The following TLN2 variants were observed in gnomAD, a reference collection of about 807,000 sequenced individuals.
TLN2 encodes talin-2.
Under a neutral mutation model 294.7 loss-of-function variants are expected in TLN2, and 118 were observed. That is an observed-to-expected ratio of 0.40 (90% CI 0.34 to 0.47). TLN2 has a LOEUF of 0.47. Among genes scored for constraint, TLN2 ranks in the 20% least tolerant of loss-of-function variants. The probability of loss-of-function intolerance (pLI) is 0.84; values close to 1 mark genes in which losing one functional copy is unlikely to be tolerated. For synonymous variants in TLN2, 1,431 were observed against 1,304.5 expected (o/e 1.10, Z -2.09); for missense variants, 3,083 against 3,282.2 (o/e 0.94, Z 1.48).
At chr15:62,667,055 T>C (rs569970977) in intron 9 of TLN2, among the ~76,000 whole-genome samples, 1 of 152,306 alleles carries the variant, frequency 6.6e-6, no homozygotes, top group South Asian at 2.1e-4. Flanking sequence ...AAGCTCCGCC[T>C]CCCGGATTCA....
intron 9 of TLN2, among the ~76,000 whole-genome samples, chr15:62,664,332 A>G (rs752898357): frequency 5.3e-5 from 8 of 152,080 alleles, no homozygotes; most frequent in Non-Finnish European, 7.3e-5. Flanking sequence ...GTTTAACCTA[A>G]TAAGTGATTC....
chr15:62,810,096 C>A lies in TLN2; in HGVS notation c.6771+64C>A, dbSNP rs1482120578. 1.5e-5 allele frequency: 20 copies of A among 1,355,106 alleles called. 1 individual carries two copies. The highest frequency in any genetic ancestry group is 2.1e-5 in the Non-Finnish European group (20 of 952,934). The allele number at this position is 1,355,106 out of a possible 1,614,324, so 83.9% of individuals were successfully genotyped here. A position where few individuals can be genotyped will look rare whatever the true frequency, so the allele number is the denominator to read the frequency against. On this transcript the variant is annotated intron_variant, in intron 52 of 58. Transcript: ENST00000636159. Reference sequence around the variant, plus strand: ...GTCCCTCTAGCTGTCCTGGCTGATTCAAACTATGCTTTCCTTGGGAAGACC... The same window carrying A: ...GTCCCTCTAGCTGTCCTGGCTGATTAAAACTATGCTTTCCTTGGGAAGACC...
At chr15:62,796,336 C>T in intron 47 of TLN2, 43 bp downstream of exon 47, 3 of 1,564,798 alleles carry the variant, frequency 1.9e-6, no homozygotes, top group Non-Finnish European at 2.6e-6. Context: ...GGCTGGCCTG[C>T]CCCTGAAACT....
intron 1 of TLN2, among the ~76,000 whole-genome samples, chr15:62,568,729 C>T (rs886743225): frequency 3.3e-5 from 5 of 152,288 alleles, no homozygotes; most frequent in South Asian, 4.1e-4. Flanking sequence ...CATCCTTGGC[C>T]TGGGCTTTTG....
At chr15:62,547,536 G>A (rs1490748855) in intron 1 of TLN2, among the ~76,000 whole-genome samples, 5 of 152,196 alleles carry the variant, frequency 3.3e-5, no homozygotes, top group Admixed American at 6.5e-5. Flanking sequence ...TACTCCCAGA[G>A]TGCTCCGAAG....
intron 1 of TLN2, among the ~76,000 whole-genome samples, chr15:62,577,214 C>T (rs1428700494): frequency 6.6e-6 from 1 of 152,154 alleles, no homozygotes; most frequent in Non-Finnish European, 1.5e-5. Context: ...GAGGCTGAGG[C>T]GGGCGGATCA....
chr15:62,788,066 T>C (rs1208006236), intron 45 of TLN2, among the ~76,000 whole-genome samples: 2 of 150,218 alleles, frequency 1.3e-5, no homozygotes, highest in Non-Finnish European at 3.0e-5. Flanking sequence ...ATCCCAACAC[T>C]TTGGGAGGCC....
At chr15:62,527,212 C>G (rs2040789770) in intron 1 of TLN2, among the ~76,000 whole-genome samples, 1 of 151,956 alleles carries the variant, frequency 6.6e-6, no homozygotes, top group Admixed American at 6.5e-5. Flanking sequence ...CCGAAGTCTT[C>G]TTTGGACTCC....
intron 1 of TLN2, among the ~76,000 whole-genome samples, chr15:62,525,897 G>T (rs1315950217): frequency 2.0e-5 from 3 of 152,162 alleles, no homozygotes; most frequent in African/African-American, 7.2e-5. Flanking sequence ...GCTCTTGGCA[G>T]TGTGCTGTGG....
chr15:62,779,653 A>T (rs547142547), intron 43 of TLN2, among the ~76,000 whole-genome samples: 1 of 152,244 alleles, frequency 6.6e-6, no homozygotes, highest in African/African-American at 2.4e-5. Context: ...CACATCTCAC[A>T]TGCAAGCTCC....
chr15:62,409,631 G>A (rs977152605), intron 1 of TLN2, among the ~76,000 whole-genome samples: 16 of 152,096 alleles, frequency 1.1e-4, no homozygotes, highest in South Asian at 2.1e-4. Context: ...TTAGATTTTT[G>A]GAGTTAATTC....
chr15:62,817,740 A>T (rs916522605), intron 52 of TLN2, among the ~76,000 whole-genome samples: 1 of 151,838 alleles, frequency 6.6e-6, no homozygotes, highest in Admixed American at 6.6e-5. Context: ...CCAAGAAGGG[A>T]ATTCACATTT....
intron 1 of TLN2, among the ~76,000 whole-genome samples, 159 bp downstream of exon 1, chr15:62,390,844 G>C (rs1408030132): frequency 6.6e-6 from 1 of 152,096 alleles, no homozygotes; most frequent in African/African-American, 2.4e-5. Flanking sequence ...GGAAAAACCC[G>C]TAAAGCTCCC....
chr15:62,500,402 A>G (rs2039245440), intron 1 of TLN2, among the ~76,000 whole-genome samples: 2 of 152,204 alleles, frequency 1.3e-5, no homozygotes, highest in South Asian at 4.1e-4. Flanking sequence ...GCTCTACAGA[A>G]CTTTGATTGC....
intron 52 of TLN2, among the ~76,000 whole-genome samples, chr15:62,813,872 T>C (rs775391192): frequency 6.6e-6 from 1 of 151,598 alleles, no homozygotes; most frequent in Non-Finnish European, 1.5e-5. Context: ...TGGAGTGCAA[T>C]GGCATGATCT....
At chr15:62,722,852 C>G (rs971055301) in intron 26 of TLN2, among the ~76,000 whole-genome samples, 4 of 152,146 alleles carry the variant, frequency 2.6e-5, no homozygotes, top group Admixed American at 2.0e-4. Context: ...AATAAGTGAT[C>G]ATATATTCCA....
At chr15:62,606,283 G>A (rs909765262) in intron 2 of TLN2, among the ~76,000 whole-genome samples, 2 of 149,396 alleles carry the variant, frequency 1.3e-5, no homozygotes, top group African/African-American at 5.0e-5. Context: ...GTAGAGACAG[G>A]GTTTCCCCTG....
intron 21 of TLN2, among the ~76,000 whole-genome samples, chr15:62,710,852 A>C (rs1204893440): frequency 6.7e-6 from 1 of 148,796 alleles, no homozygotes; most frequent in Non-Finnish European, 1.5e-5. Context: ...TAGCCTCCTG[A>C]GTAGCTGGCA....
chr15:62,724,505 C>T (rs2060329756), intron 26 of TLN2, among the ~76,000 whole-genome samples: 1 of 152,130 alleles, frequency 6.6e-6, no homozygotes, highest in South Asian at 2.1e-4. Context: ...ATCTTCAGTA[C>T]AGAAAAGTAA....
Sources: gnomAD v4.1 joint callset for allele counts (sites outside exome capture counted in the v4.1 genomes callset) on GRCh38, gnomAD v4.1.1 for gene constraint, MANE v1.5 for transcripts, NCBI Gene and HGNC (gene_info 2026-07-23, HGNC 2026-07-21) for gene names.